TNS1: variants seen among roughly 807,000 people sequenced by gnomAD.
The protein encoded by TNS1 is tensin-1.
A neutral mutation model predicts 168.6 loss-of-function variants in TNS1; 62 were observed. That is an observed-to-expected ratio of 0.37 (90% confidence interval 0.30 to 0.45). The LOEUF (loss-of-function observed/expected upper bound fraction) is 0.45, where lower values mean the gene tolerates loss of function less well. Among genes scored for constraint, TNS1 ranks in the 20% least tolerant of loss-of-function variants. The pLI is 1.00. For synonymous variants in TNS1, 934 were observed against 933.2 expected, an observed-to-expected ratio of 1.00 and a Z score of -0.02; for missense variants, 2,240 against 2,339.4, an observed-to-expected ratio of 0.96 and a Z score of 0.88.
intron 3 of TNS1, among the ~76,000 whole-genome samples, chr2:217,922,752 C>A (rs752276698): frequency 6.6e-6 from 1 of 152,120 alleles, no homozygotes; most frequent in Admixed American, 6.5e-5. Flanking sequence ...AGAGGCACCC[C>A]CTAAGAACCT....
upstream of TNS1, among the ~76,000 whole-genome samples, chr2:218,013,352 A>G (rs148476560): frequency 6.6e-6 from 1 of 152,100 alleles, no homozygotes; most frequent in Non-Finnish European, 1.5e-5. Flanking sequence ...AGCTCCCCAC[A>G]GTGGACCAGA....
chr2:217,975,286 C>T (rs1957865864), intron 3 of TNS1, among the ~76,000 whole-genome samples: 1 of 152,150 alleles, frequency 6.6e-6, no homozygotes, highest in African/African-American at 2.4e-5. Context: ...GACCCCTAGC[C>T]AGAACCAGTC....
intron 3 of TNS1, among the ~76,000 whole-genome samples, chr2:217,955,944 AG>A (rs1957350926): frequency 1.3e-5 from 2 of 152,132 alleles, no homozygotes; most frequent in Non-Finnish European, 2.9e-5. Flanking sequence ...ACAAAATGTC[AG>A]GCATCTGGGG....
rs186994455 is a variant in TNS1, at chr2:217,950,044, A to G, written c.186+28721T>C. Among the ~76,000 whole-genome samples the G allele has an allele frequency of 2.9e-3, 441 of 152,324 alleles. 1 individual carries two copies. Among genetic ancestry groups the G allele is most frequent in the Admixed American group, 7.6e-3 (116 of 15,300 alleles). ...AGGTTTAGCATCTAGACCAAAGGAG[A>G]TAAGAATTCTACTCTACTCCACCAG... On this transcript the variant is annotated intron_variant, in intron 3 of 32. Coordinates refer to ENST00000682258, the MANE Select transcript of TNS1 (RefSeq NM_001387777.1).
intron 9 of TNS1, among the ~76,000 whole-genome samples, 173 bp from the exon 10 acceptor site, chr2:217,893,734 G>A (rs1398646964): frequency 6.6e-6 from 1 of 152,280 alleles, no homozygotes. Context: ...GGGGAGTGAA[G>A]GGCAAAGGCC....
intron 3 of TNS1, among the ~76,000 whole-genome samples, chr2:217,940,014 T>C (rs1016797042): frequency 7.2e-5 from 11 of 152,242 alleles, no homozygotes; most frequent in Non-Finnish European, 1.5e-4. Flanking sequence ...GGTGTGACCT[T>C]GCATAATGGA....
rs566884948 is a variant in TNS1, at chr2:217,972,746, GA to G, written c.186+6018del. 1.2e-4 allele frequency among the ~76,000 whole-genome samples: 19 copies of G among 152,326 alleles called. No homozygotes were observed. The South Asian group carries it at 3.3e-3, about 27-fold the overall frequency. ...GCAGCAGACAAAGAGTATTTGGCTG[GA>G]ACAGGCTGCTGTTGTCAACTGAAAC... On this transcript the variant is annotated intron_variant, in intron 3 of 32. Coordinates refer to ENST00000682258, the MANE Select transcript of TNS1 (RefSeq NM_001387777.1).
Position 217,831,496 on chromosome 2 carries a change from T to C in TNS1, c.3332A>G (p.Lys1111Arg). The change falls in exon 22 of 33, where the codon AAA becomes AGA. Residue 1111 changes from lysine (K) to arginine (R), a missense_variant. Around this residue, in one of 2 missense-constraint regions of TNS1, gnomAD observed 2,131 missense variants for 2,171.2 expected, o/e 0.98. Transcript: ENST00000682258. ...CAGGATGTCCGCTGGGTTGTGAGGT[T>C]TCAGGCCCAGAGCAGACAGGGGTGT... ...AKTPLSALGL[K>R]PHNPADILLH... is the part of the protein sequence containing the mutation. 6.3e-7 allele frequency: 1 copy of C among 1,583,596 alleles called. No individual in the cohort carries two copies. The highest frequency in any genetic ancestry group is 8.6e-7 in the Non-Finnish European group (1 of 1,166,544).
At chr2:217,918,711 G>A (rs1955390418) in intron 4 of TNS1, among the ~76,000 whole-genome samples, 1 of 152,184 alleles carries the variant, frequency 6.6e-6, no homozygotes, top group South Asian at 2.1e-4. Flanking sequence ...CACAAGGTGG[G>A]AGTTCAGCTG....
chr2:217,847,928 C>A lies in TNS1; in HGVS notation c.2589G>T (p.Trp863Cys). 2 of 1,521,770 alleles carry A rather than the reference C, an allele frequency of 1.3e-6. No individual in the cohort carries two copies. Among genetic ancestry groups the A allele is most frequent in the South Asian group, 2.6e-5 (2 of 75,710 alleles). 94.3% of individuals were successfully genotyped at this position (1,521,770 alleles called of 1,614,324 possible). Residue 863 changes from tryptophan to cysteine, a missense_variant, in exon 19 of 33, where the codon TGG (tryptophan) becomes TGT (cysteine). By Grantham distance (215) the Trp-to-Cys change is radical. Coordinates refer to ENST00000682258, the MANE Select transcript of TNS1 (RefSeq NM_001387777.1). The part of the protein sequence containing the change: ...LHKSQSVPGA[W>C]PGASPLSSQP... ...GGGAGGAGAGTGGAGAAGCCCCTGG[C>A]CAGGCCCCGGGGACACTCTGGGACT...
Position 217,837,458 on chromosome 2 carries a change from C to T in TNS1, c.3008-1247G>A, listed in dbSNP as rs554658558. Among the ~76,000 whole-genome samples the T allele has an allele frequency of 3.3e-5, 5 of 152,350 alleles. No homozygotes were observed. The East Asian group carries it at 9.7e-4, about 29-fold the overall frequency. On this transcript the variant is annotated intron_variant, in intron 19 of 32. Transcript: ENST00000682258. ...CGGCTGCCAAGCCTACGGGCAGACA[C>T]ACACTTACACTCACATAGGCACAGC...
chr2:217,833,319 T>C (rs373955535), intron 21 of TNS1, among the ~76,000 whole-genome samples: 3 of 152,228 alleles, frequency 2.0e-5, no homozygotes, highest in Non-Finnish European at 4.4e-5. Context: ...AATTGGGCCC[T>C]TCTGCTGAGG....
At chr2:217,878,586 C>T (rs1950406067) in intron 18 of TNS1, among the ~76,000 whole-genome samples, 1 of 152,222 alleles carries the variant, frequency 6.6e-6, no homozygotes, top group African/African-American at 2.4e-5. Flanking sequence ...GGCCTTCTCC[C>T]TTAGCCATGT....
At chr2:217,908,968 C>T (rs973378963) in intron 4 of TNS1, among the ~76,000 whole-genome samples, 9 of 152,088 alleles carry the variant, frequency 5.9e-5, no homozygotes, top group African/African-American at 1.2e-4. Context: ...CTAATCCTAA[C>T]CCACTAATCC....
At chr2:217,932,624 G>C (rs1019441011) in intron 3 of TNS1, among the ~76,000 whole-genome samples, 1 of 152,108 alleles carries the variant, frequency 6.6e-6, no homozygotes, top group African/African-American at 2.4e-5. Flanking sequence ...TGTGAAGCAG[G>C]TCCTATTCGT....
chr2:217,935,380 C>T (rs930101353), intron 3 of TNS1, among the ~76,000 whole-genome samples: 5 of 152,206 alleles, frequency 3.3e-5, no homozygotes, highest in Admixed American at 6.5e-5. Flanking sequence ...TTCTTAGGGT[C>T]CCAGCTGGGA....
In TNS1 at chr2:217,818,537, C is replaced by T; in HGVS notation, c.3795G>A (p.Gln1265=). ...CAGCCACACTGAACTGAGCTCGAGC[C>T]TGGCTTTCCGGAGAGGAGCTGAAAT... is the stretch of plus-strand genomic sequence containing the variant. ...LQHFSSSPES[Q]ARAQFSVAGV... Residue 1265 remains glutamine, a synonymous_variant, in exon 24 of 33, where the codon CAG becomes CAA. Transcript: ENST00000682258. 2 of 1,614,242 alleles carry T rather than the reference C, an allele frequency of 1.2e-6. No homozygotes were observed. Among genetic ancestry groups the T allele is most frequent in the Non-Finnish European group, 1.7e-6 (2 of 1,180,032 alleles).
chr2:218,002,467 T>A (rs998997368), intron 1 of TNS1, among the ~76,000 whole-genome samples: 3 of 151,532 alleles, frequency 2.0e-5, no homozygotes, highest in Non-Finnish European at 4.4e-5. Flanking sequence ...GCTCAGCAAC[T>A]GAGGGGGGGC....
At chr2:217,814,868 C>T (rs940801381) in intron 25 of TNS1, 44 bp downstream of exon 25, 1 of 1,536,834 alleles carries the variant, frequency 6.5e-7, no homozygotes, top group Admixed American at 1.7e-5. Flanking sequence ...CAGCAGGCCT[C>T]AGCCAGCTAT....
Sources: gnomAD v4.1 joint callset for allele counts (sites outside exome capture counted in the v4.1 genomes callset) on GRCh38, gnomAD v4.1.1 for gene constraint, gnomAD v4.1.1 regional missense constraint, MANE v1.5 for transcripts, NCBI Gene and HGNC (gene_info 2026-07-23, HGNC 2026-07-21) for gene names.